The following PARP16 variants were observed in gnomAD, a reference collection of about 807,000 sequenced individuals.
PARP16 encodes the protein protein mono-ADP-ribosyltransferase PARP16.
A neutral mutation model predicts 35.0 loss-of-function variants in PARP16; 31 were observed. The observed-to-expected ratio is 0.88, with a 90% CI of 0.66 to 1.19. The LOEUF (loss-of-function observed/expected upper bound fraction) is 1.19. Among genes scored for constraint, PARP16 ranks in the 50% most tolerant of loss-of-function variants. The probability of loss-of-function intolerance (pLI) is 0.00; values close to 1 mark genes in which losing one functional copy is unlikely to be tolerated. For missense variants in PARP16, 424 were observed against 411.2 expected (o/e 1.03, Z -0.27); for synonymous variants, 162 against 169.5 (o/e 0.96, Z 0.34).
chr15:65,266,648 G>C lies in PARP16; in HGVS notation c.433C>G (p.Arg145Gly), dbSNP rs777297261. The C allele has an allele frequency of 3.1e-6, 5 of 1,613,934 alleles. No homozygotes were observed. In the African/African-American group the frequency reaches 4.0e-5, roughly 13 times the overall value. Residue 145 changes from arginine (R) to glycine (G), a missense_variant, in exon 3 of 6, where the codon CGA becomes GGA. Transcript: ENST00000649807. ...CCATGAAATGCATAGATTAGGTCTC[G>C]TTCTCCTTTGGTCTCATAAAATTTG... ...NAKFYETKGE[R>G]DLIYAFHGSR...
At chr15:65,281,214 A>T (rs1251920660) in intron 1 of PARP16, among the ~76,000 whole-genome samples, 1 of 152,220 alleles carries the variant, frequency 6.6e-6, no homozygotes, top group Non-Finnish European at 1.5e-5. Flanking sequence ...TCGGAGGCCA[A>T]TGGTTAAGGG....
In PARP16 at chr15:65,271,020, C is replaced by G; in HGVS notation, c.227G>C (p.Gly76Ala). The G allele has an allele frequency of 6.2e-7, 1 of 1,614,038 alleles. No individual in the cohort carries two copies. The highest frequency in any genetic ancestry group is 1.1e-5 in the South Asian group (1 of 91,070). Residue 76 changes from glycine (G) to alanine (A), a missense_variant, in exon 2 of 6, where the codon GGA (glycine) becomes GCA (alanine). Transcript: ENST00000649807. ...GTCCCAGGCCCGTTTGTGGTTGTCT[C>G]CGGAGGACTGGAGAAGTTCTTTCAG... The part of the protein sequence containing the change: ...PNLKELLQSS[G>A]DNHKRAWDLV...
At chr15:65,257,294 G>A (rs2089543049), downstream of PARP16, among the ~76,000 whole-genome samples, 1 of 152,168 alleles carries the variant, frequency 6.6e-6, no homozygotes, top group Non-Finnish European at 1.5e-5. Flanking sequence ...GCATGCGCCT[G>A]TAATCCCAGC....
Position 65,260,927 on chromosome 15 carries a change from C to G in PARP16, c.791G>C (p.Arg264Pro), listed in dbSNP as rs776528316. The G allele has an allele frequency of 6.2e-7, 1 of 1,614,008 alleles. No homozygotes were observed. Among genetic ancestry groups the G allele is most frequent in the South Asian group, 1.1e-5 (1 of 91,068 alleles). Residue 264 changes from arginine (R) to proline (P), a missense_variant, in exon 5 of 6, where the codon CGA becomes CCA. By Grantham distance (103) the Arg-to-Pro change is moderately radical. Transcript: ENST00000649807. ...TGAATACACCAGGAGGTACTTCACT[C>G]GCAGCAGCTGGTTATTGGTGACCAC... is the stretch of plus-strand genomic sequence containing the variant. The part of the protein sequence containing the change: ...YFVVTNNQLL[R>P]VKYLLVYSQK...
At chr15:65,280,559 T>C (rs1387806270) in intron 1 of PARP16, among the ~76,000 whole-genome samples, 3 of 152,058 alleles carry the variant, frequency 2.0e-5, no homozygotes, top group Non-Finnish European at 4.4e-5. Context: ...AAGTATTATT[T>C]ATAAAAGCAA....
chr15:65,239,955 C>CTTTTTTTTTTTTTT lies in PARP16; in HGVS notation c.*98-5146_*98-5133dup, dbSNP rs367808430. 7.3e-5 allele frequency among the ~76,000 whole-genome samples: 6 copies of CTTTTTTTTTTTTTT among 81,750 alleles called. 1 individual carries two copies. The highest frequency in any genetic ancestry group is 1.2e-4 in the African/African-American group (2 of 17,118). The allele number at this position is 81,750 out of a possible 152,430, so 53.6% of individuals were successfully genotyped here. A position where few individuals can be genotyped will look rare whatever the true frequency, so the allele number is the denominator to read the frequency against. On this transcript the variant is annotated intron_variant and NMD_transcript_variant, in intron 3 of 3. Coordinates refer to the PARP16 transcript ENST00000559805. ...ACAGGCGTGAGCCACCGCGTCTGAC[C>CTTTTTTTTTTTTTT]TTTTTTTTTTTTTTTTTTTAAATAC...
intron 3 of PARP16, among the ~76,000 whole-genome samples, chr15:65,244,213 T>C (rs2089148507): frequency 6.6e-6 from 1 of 152,178 alleles, no homozygotes; most frequent in Non-Finnish European, 1.5e-5. Flanking sequence ...CTGGATACTA[T>C]CTCCCACATA....
chr15:65,248,092 C>T (rs2089259163), intron 3 of PARP16: 1 of 446,372 alleles, frequency 2.2e-6, no homozygotes, highest in East Asian at 7.1e-5. Context: ...GCGTGAGCCA[C>T]CGCTCCCGGC....
At chr15:65,235,325 AAAAAT>A (rs1026883594) in intron 3 of PARP16, among the ~76,000 whole-genome samples, 3 of 151,940 alleles carry the variant, frequency 2.0e-5, no homozygotes, top group African/African-American at 7.3e-5. Context: ...AAAATTAATA[AAAAAT>A]AAAATAAAAT....
chr15:65,261,754 G>C (rs1000490409), intron 4 of PARP16, among the ~76,000 whole-genome samples: 5 of 152,050 alleles, frequency 3.3e-5, no homozygotes, highest in South Asian at 2.1e-4. Flanking sequence ...CACCACACCC[G>C]GCCTTAACAG....
intron 3 of PARP16, among the ~76,000 whole-genome samples, chr15:65,240,322 T>TAG (rs1491337820): frequency 8.7e-5 from 4 of 45,986 alleles, no homozygotes; most frequent in South Asian, 9.5e-4. Flanking sequence ...TGGGGGGGGC[T>TAG]AGTGTGTGTG....
chr15:65,267,073 C>T (rs1201481567), intron 2 of PARP16, among the ~76,000 whole-genome samples: 1 of 151,570 alleles, frequency 6.6e-6, no homozygotes, highest in Non-Finnish European at 1.5e-5. Context: ...GAAACCCCAT[C>T]TCTACTAAAA....
chr15:65,242,340 T>C (rs901830824), intron 3 of PARP16, among the ~76,000 whole-genome samples: 12 of 152,192 alleles, frequency 7.9e-5, no homozygotes, highest in East Asian at 5.8e-4. Context: ...AAAATTGTTA[T>C]GGCTATTCAA....
rs141417880 is a variant in PARP16, at chr15:65,242,638, T to C, written c.*97+5479A>G. ...AATTTCCAAGTGTTTTTTGCTTATATAGAGAAACACAATTAGTTTTCATAT... is the reference window on the plus strand; with the variant it reads ...AATTTCCAAGTGTTTTTTGCTTATACAGAGAAACACAATTAGTTTTCATAT... On this transcript the variant is annotated intron_variant and NMD_transcript_variant, in intron 3 of 3. Coordinates refer to the PARP16 transcript ENST00000559805. 6.5e-3 allele frequency among the ~76,000 whole-genome samples: 990 copies of C among 152,292 alleles called. 7 individuals carry two copies. Among genetic ancestry groups the C allele is most frequent in the Non-Finnish European group, 0.01 (714 of 68,014 alleles).
At chr15:65,251,076 G>A (rs1403426602) in intron 2 of PARP16, among the ~76,000 whole-genome samples, 1 of 152,078 alleles carries the variant, frequency 6.6e-6, no homozygotes, top group East Asian at 1.9e-4. Flanking sequence ...TAGAGACGGG[G>A]TTTCACCATG....
At chr15:65,248,361 T>C in intron 2 of PARP16, 2 of 446,292 alleles carry the variant, frequency 4.5e-6, no homozygotes, top group Non-Finnish European at 9.0e-6. Flanking sequence ...CACTGACATA[T>C]TATTTACACC....
intron 5 of PARP16, among the ~76,000 whole-genome samples, chr15:65,259,830 G>T (rs1686817097): frequency 6.6e-6 from 1 of 152,126 alleles, no homozygotes; most frequent in South Asian, 2.1e-4. Context: ...AACCCATCTT[G>T]GTATCTATAA....
intron 2 of PARP16, among the ~76,000 whole-genome samples, chr15:65,249,679 G>T (rs953885256): frequency 5.9e-5 from 9 of 152,164 alleles, no homozygotes; most frequent in African/African-American, 1.9e-4. Flanking sequence ...GGCAATCAGG[G>T]GGATTTGGCT....
chr15:65,261,330 C>A (rs1038083615), intron 4 of PARP16, among the ~76,000 whole-genome samples: 12 of 150,954 alleles, frequency 7.9e-5, no homozygotes, highest in Non-Finnish European at 1.8e-4. Context: ...TACGCTGGGA[C>A]TGGAAGCTAG....
Sources: gnomAD v4.1 joint callset for allele counts (sites outside exome capture counted in the v4.1 genomes callset) on GRCh38, gnomAD v4.1.1 for gene constraint, MANE v1.5 for transcripts, NCBI Gene and HGNC (gene_info 2026-07-23, HGNC 2026-07-21) for gene names.